PTPRZ1: variants seen among roughly 807,000 people sequenced by gnomAD.
The protein encoded by PTPRZ1 is protein tyrosine phosphatase receptor type Z1, also known as receptor-type tyrosine-protein phosphatase zeta.
In PTPRZ1, 82 loss-of-function variants were observed where a neutral mutation model predicts 214.1. The observed-to-expected ratio is 0.38, with a 90% CI of 0.32 to 0.46. The LOEUF is 0.46. Among genes scored for constraint, PTPRZ1 ranks in the 20% least tolerant of loss-of-function variants. PTPRZ1 has a pLI of 1.00. For synonymous variants in PTPRZ1, 945 were observed against 987.9 expected (o/e 0.96, Z 0.81); for missense variants, 2,603 against 2,748.7 (o/e 0.95, Z 1.19).
chr7:121,922,505 G>T (rs1321857630), intron 1 of PTPRZ1, among the ~76,000 whole-genome samples: 1 of 152,160 alleles, frequency 6.6e-6, no homozygotes, highest in Non-Finnish European at 1.5e-5. Context: ...GGGGTGAGGT[G>T]CAGAGGTTGC....
At chr7:121,991,907 T>G (rs931612775) in intron 8 of PTPRZ1, among the ~76,000 whole-genome samples, 8 of 152,230 alleles carry the variant, frequency 5.3e-5, no homozygotes, top group Non-Finnish European at 2.9e-5. Context: ...ACAACCTCAT[T>G]GGTTACCTTC....
At chr7:122,020,348 AGT>A (rs1489314861) in intron 13 of PTPRZ1, among the ~76,000 whole-genome samples, 2 of 152,210 alleles carry the variant, frequency 1.3e-5, no homozygotes, top group African/African-American at 4.8e-5. Context: ...ATTACACAAA[AGT>A]GTATGCGTAG....
At chr7:121,879,025 C>T (rs939254245) in intron 1 of PTPRZ1, among the ~76,000 whole-genome samples, 8 of 152,138 alleles carry the variant, frequency 5.3e-5, no homozygotes, top group South Asian at 2.1e-4. Context: ...TTCTGGTACG[C>T]GAACTTCACT....
At chr7:122,050,840 A>C (rs1792156980) in intron 23 of PTPRZ1, among the ~76,000 whole-genome samples, 1 of 152,152 alleles carries the variant, frequency 6.6e-6, no homozygotes, top group Non-Finnish European at 1.5e-5. Context: ...CCGACTGTCA[A>C]AAATAAAACA....
At chr7:121,959,619 TTCTTA>T (rs1796816028) in intron 2 of PTPRZ1, among the ~76,000 whole-genome samples, 1 of 152,200 alleles carries the variant, frequency 6.6e-6, no homozygotes, top group Non-Finnish European at 1.5e-5. Flanking sequence ...TGGTTTTAGT[TTCTTA>T]TCTTTGAGGA....
At chr7:122,034,585 T>C (rs1799482263) in intron 17 of PTPRZ1, among the ~76,000 whole-genome samples, 1 of 152,202 alleles carries the variant, frequency 6.6e-6, no homozygotes, top group Non-Finnish European at 1.5e-5. Flanking sequence ...ATCTGTTTTA[T>C]TTAAACAAAA....
chr7:121,981,013 G>A (rs569443365), intron 6 of PTPRZ1, among the ~76,000 whole-genome samples: 2 of 152,170 alleles, frequency 1.3e-5, no homozygotes, highest in South Asian at 2.1e-4. Flanking sequence ...GTGGTGGCAG[G>A]CGCCTATAGT....
intron 1 of PTPRZ1, among the ~76,000 whole-genome samples, chr7:121,926,706 G>T (rs139883189): frequency 2.6e-5 from 4 of 152,112 alleles, no homozygotes; most frequent in Non-Finnish European, 5.9e-5. Context: ...TGATGAAAAT[G>T]TTCTAAAATT....
intron 1 of PTPRZ1, among the ~76,000 whole-genome samples, chr7:121,898,596 A>G (rs969963756): frequency 1.3e-5 from 2 of 152,146 alleles, no homozygotes; most frequent in Non-Finnish European, 2.9e-5. Context: ...TATGTTGTCT[A>G]CACTTCCTTC....
rs201044306 is a variant in PTPRZ1, at chr7:122,019,250, G to T, written c.4970G>T (p.Gly1657Val). The change falls in exon 13 of 30, where the codon GGT becomes GTT. Residue 1657 changes from glycine to valine, a missense_variant. Gly to Val is a moderately radical substitution (Grantham distance 109, BLOSUM62 -3). Transcript: ENST00000393386. ...TTTATCTGTCTAGTGGTTCTTGTGGGTATTCTCATCTACTGGAGGTAAGTT... is the reference window on the plus strand; with the variant it reads ...TTTATCTGTCTAGTGGTTCTTGTGGTTATTCTCATCTACTGGAGGTAAGTT... ...LTFICLVVLV[G>V]ILIYWRKCFQ... 55 of 1,611,752 alleles carry T rather than the reference G, an allele frequency of 3.4e-5. No individual in the cohort carries two copies. The highest frequency in any genetic ancestry group is 6.8e-6 in the Non-Finnish European group (8 of 1,178,684).
chr7:122,058,917 G>A lies in PTPRZ1; in HGVS notation c.6646G>A (p.Asp2216Asn). 1 of 1,591,116 alleles carries A rather than the reference G, an allele frequency of 6.3e-7. No individual in the cohort carries two copies. Among genetic ancestry groups the A allele is most frequent in the South Asian group, 1.1e-5 (1 of 90,508 alleles). ...SVIKEEAANRDGPMIVHDEHG... is the reference protein window; with the variant it reads ...SVIKEEAANRNGPMIVHDEHG... ...TATAAAAGAAGAAGCTGCCAATAGGGATGGGCCTATGATTGTTCATGATGA... is the reference window on the plus strand; with the variant it reads ...TATAAAAGAAGAAGCTGCCAATAGGAATGGGCCTATGATTGTTCATGATGA... The change falls in exon 28 of 30, where the codon GAT (aspartate) becomes AAT (asparagine). Residue 2216 changes from aspartate to asparagine, a missense_variant. Asp to Asn is a conservative substitution (Grantham distance 23). Coordinates refer to ENST00000393386, the MANE Select transcript of PTPRZ1 (RefSeq NM_002851.3).
chr7:121,957,483 G>A (rs139316808), intron 2 of PTPRZ1, among the ~76,000 whole-genome samples: 11 of 152,164 alleles, frequency 7.2e-5, no homozygotes, highest in African/African-American at 2.4e-4. Context: ...CATCAGGAGA[G>A]CCCTCAGTGC....
chr7:121,933,191 T>G (rs1392662576), intron 2 of PTPRZ1, among the ~76,000 whole-genome samples: 1 of 151,732 alleles, frequency 6.6e-6, no homozygotes, highest in Non-Finnish European at 1.5e-5. Context: ...TCATTTTATT[T>G]TTTTTAATCT....
chr7:121,927,923 G>A (rs748560353), intron 1 of PTPRZ1, among the ~76,000 whole-genome samples: 13 of 152,092 alleles, frequency 8.5e-5, no homozygotes, highest in Non-Finnish European at 1.9e-4. Context: ...CTTTGTTTCT[G>A]CCTGAATGTC....
At chr7:121,914,404 A>T (rs1315603998) in intron 1 of PTPRZ1, among the ~76,000 whole-genome samples, 2 of 152,136 alleles carry the variant, frequency 1.3e-5, no homozygotes, top group African/African-American at 4.8e-5. Flanking sequence ...AGTAAGCTTT[A>T]TGTATAGAAA....
At chr7:122,040,152 C>A (rs1413483924) in intron 20 of PTPRZ1, among the ~76,000 whole-genome samples, 1 of 152,096 alleles carries the variant, frequency 6.6e-6, no homozygotes, top group Middle Eastern at 3.2e-3. Flanking sequence ...TGTGTGGCAA[C>A]TGCATAGGAT....
chr7:122,030,047 T>C (rs1276294850), intron 14 of PTPRZ1, among the ~76,000 whole-genome samples: 3 of 151,880 alleles, frequency 2.0e-5, no homozygotes, highest in Non-Finnish European at 2.9e-5. Context: ...GGTATGCAGA[T>C]TAACTAAAAT....
chr7:121,926,277 C>G (rs1028301767), intron 1 of PTPRZ1, among the ~76,000 whole-genome samples: 3 of 140,636 alleles, frequency 2.1e-5, no homozygotes, highest in African/African-American at 8.3e-5. Context: ...TGCACTCCAG[C>G]CTGGGCTACA....
Position 122,044,468 on chromosome 7 carries a change from G to A in PTPRZ1, c.5984G>A (p.Ser1995Asn). ...IHDTLVEAIL[S>N]KETEVLDSHI... ...GATACACTGGTTGAGGCCATACTTA[G>A]TAAAGAAACTGAGGTGCTGGACAGT... Residue 1995 changes from serine to asparagine, a missense_variant, in exon 23 of 30, where the codon AGT (serine) becomes AAT (asparagine). This residue lies in a region of PTPRZ1 where 1,913 missense variants were observed against 1,914.3 expected (regional missense o/e 1.00). Coordinates refer to ENST00000393386, the MANE Select transcript of PTPRZ1 (RefSeq NM_002851.3). 1 of 1,613,918 alleles carries A rather than the reference G, an allele frequency of 6.2e-7. No homozygotes were observed. Among genetic ancestry groups the A allele is most frequent in the Non-Finnish European group, 8.5e-7 (1 of 1,179,820 alleles).
Sources: allele counts gnomAD v4.1 joint callset (sites outside exome capture counted in the v4.1 genomes callset), GRCh38; gene constraint gnomAD v4.1.1; regional missense constraint gnomAD v4.1.1; transcripts MANE v1.5; gene names NCBI Gene and HGNC (gene_info 2026-07-23, HGNC 2026-07-21).